Variants in DNAH14 observed in about 807,000 individuals in gnomAD.
The protein encoded by DNAH14 is axonemal beta dynein heavy chain 14.
DNAH14 carries 478 observed loss-of-function variants against 520.9 expected under a neutral mutation model. That is an observed-to-expected ratio of 0.92 (90% CI 0.85 to 0.99). The LOEUF (loss-of-function observed/expected upper bound fraction) is 0.99. DNAH14 is among the 50% of genes least tolerant of loss of function. The probability of loss-of-function intolerance (pLI) is 0.00; values close to 1 mark genes in which losing one functional copy is unlikely to be tolerated. For synonymous variants in DNAH14, 1,581 were observed against 1,757.2 expected (o/e 0.90, Z 2.51); for missense variants, 4,831 against 5,234.5 (o/e 0.92, Z 2.38).
intron 4 of DNAH14, among the ~76,000 whole-genome samples, chr1:224,963,529 C>G (rs1343831274): frequency 2.0e-5 from 3 of 152,020 alleles, no homozygotes; most frequent in East Asian, 1.9e-4. Flanking sequence ...TTTGAATTAT[C>G]TTTTTCACTT....
chr1:225,177,406 A>G (rs2083448861), intron 36 of DNAH14, among the ~76,000 whole-genome samples: 1 of 152,230 alleles, frequency 6.6e-6, no homozygotes, highest in Non-Finnish European at 1.5e-5. Flanking sequence ...TTTTCTGAGG[A>G]GAAATCCAAG....
At chr1:225,035,595 T>C (rs1339158288) in intron 11 of DNAH14, among the ~76,000 whole-genome samples, 1 of 152,182 alleles carries the variant, frequency 6.6e-6, no homozygotes, top group East Asian at 1.9e-4. Context: ...GTATGTTATG[T>C]TGGTTGATTT....
At chr1:225,100,480 A>G (rs61849803) in intron 22 of DNAH14, among the ~76,000 whole-genome samples, 2,804 of 152,276 alleles carry the variant, frequency 0.018, 31 homozygotes, top group Non-Finnish European at 0.027. Flanking sequence ...TCCACTGTAT[A>G]CTAAGTATAA....
intron 26 of DNAH14, among the ~76,000 whole-genome samples, chr1:225,121,035 A>G (rs994560299): frequency 1.3e-5 from 2 of 152,164 alleles, no homozygotes; most frequent in Non-Finnish European, 1.5e-5. Context: ...ACCATAATGC[A>G]TAGGTTTCTG....
At chr1:225,152,914 AG>A (rs780885017) in intron 33 of DNAH14, 31 bp downstream of exon 33, 178 of 1,539,760 alleles carry the variant, frequency 1.2e-4, no homozygotes, top group Non-Finnish European at 1.4e-4. Flanking sequence ...AAATATTTAA[AG>A]GTGATTATAT....
At chr1:225,215,513 A>G (rs1191617553) in intron 41 of DNAH14, among the ~76,000 whole-genome samples, 3 of 152,144 alleles carry the variant, frequency 2.0e-5, no homozygotes, top group African/African-American at 7.2e-5. Flanking sequence ...GGGGTGTTAA[A>G]GTTTCCCAGT....
intron 7 of DNAH14, among the ~76,000 whole-genome samples, chr1:224,973,701 A>G (rs2061640513): frequency 6.6e-6 from 1 of 152,232 alleles, no homozygotes; most frequent in South Asian, 2.1e-4. Context: ...ACCACTATAC[A>G]GACTTTTTAT....
At chr1:225,364,177 T>G (rs939544550) in intron 75 of DNAH14, among the ~76,000 whole-genome samples, 3 of 152,206 alleles carry the variant, frequency 2.0e-5, no homozygotes, top group African/African-American at 7.2e-5. Context: ...GATATTAACT[T>G]TGGTCACTTG....
intron 46 of DNAH14, among the ~76,000 whole-genome samples, chr1:225,261,806 A>G (rs1037413315): frequency 3.9e-5 from 6 of 152,050 alleles, no homozygotes; most frequent in African/African-American, 9.7e-5. Context: ...TACTGATTCA[A>G]TTTCTTTACT....
chr1:224,981,120 A>C (rs1317879960), intron 8 of DNAH14, among the ~76,000 whole-genome samples: 2 of 152,202 alleles, frequency 1.3e-5, no homozygotes, highest in Non-Finnish European at 1.5e-5. Context: ...CCATCCCTGC[A>C]TCCCTGGTAT....
intron 11 of DNAH14, among the ~76,000 whole-genome samples, chr1:225,036,566 A>ATG (rs1179722731): frequency 6.6e-6 from 1 of 152,168 alleles, no homozygotes. Flanking sequence ...CTGCAGCTGC[A>ATG]GGCATACCCT....
intron 36 of DNAH14, among the ~76,000 whole-genome samples, chr1:225,181,631 A>G (rs886183443): frequency 2.3e-4 from 35 of 152,122 alleles, no homozygotes; most frequent in Non-Finnish European, 4.4e-5. Flanking sequence ...TTCTTTTGAG[A>G]AGTGTCTGTT....
chr1:225,179,668 G>A (rs911142385), intron 36 of DNAH14, among the ~76,000 whole-genome samples: 1 of 152,128 alleles, frequency 6.6e-6, no homozygotes, highest in African/African-American at 2.4e-5. Context: ...CAGTATTAGA[G>A]TAATCTGAAT....
chr1:225,007,776 A>G (rs1176743882), intron 10 of DNAH14, among the ~76,000 whole-genome samples: 2 of 151,986 alleles, frequency 1.3e-5, no homozygotes, highest in South Asian at 2.1e-4. Flanking sequence ...ATATGTGTAT[A>G]TCTATATACA....
intron 21 of DNAH14, among the ~76,000 whole-genome samples, chr1:225,092,039 A>G (rs143674155): frequency 0.011 from 1,736 of 152,284 alleles, 14 homozygotes; most frequent in Non-Finnish European, 0.018. Context: ...GTAAATATAT[A>G]CACACCCAAC....
intron 41 of DNAH14, among the ~76,000 whole-genome samples, chr1:225,216,639 T>C (rs773662211): frequency 6.6e-6 from 1 of 152,188 alleles, no homozygotes; most frequent in Non-Finnish European, 1.5e-5. Flanking sequence ...CTTCATTTCA[T>C]TCATTTGATC....
chr1:225,339,266 G>A (rs1029153314), intron 68 of DNAH14, among the ~76,000 whole-genome samples: 3 of 151,904 alleles, frequency 2.0e-5, no homozygotes, highest in Admixed American at 6.6e-5. Context: ...AGCTGAGATC[G>A]CACCATTGCA....
At chr1:225,203,694 A>G (rs9803691) in intron 38 of DNAH14, among the ~76,000 whole-genome samples, 7,122 of 152,270 alleles carry the variant, frequency 0.047, 511 homozygotes, top group African/African-American at 0.16. Context: ...AATTTTCATT[A>G]AAAGTGAAAA....
At chr1:225,129,355 A>G (rs1292576167) in intron 27 of DNAH14, among the ~76,000 whole-genome samples, 1 of 151,628 alleles carries the variant, frequency 6.6e-6, no homozygotes, top group South Asian at 2.1e-4. Context: ...AGCCCGCATC[A>G]CCAAGTCAAT....
Sources: allele counts gnomAD v4.1 joint callset (sites outside exome capture counted in the v4.1 genomes callset), GRCh38; gene constraint gnomAD v4.1.1; transcripts MANE v1.5; gene names NCBI Gene and HGNC (gene_info 2026-07-23, HGNC 2026-07-21).